Variants in ABTB3 observed in about 807,000 individuals in gnomAD.
ABTB3 encodes ankyrin repeat- and BTB/POZ domain-containing protein 3.
At chr12:107,404,162 CAA>C in the ABTB3 span, among the ~76,000 whole-genome samples, 22 of 40,236 alleles carry the variant, frequency 5.5e-4, no homozygotes, top group South Asian at 2.7e-3. Flanking sequence ...GACTCTAACT[CAA>C]AAAAAAAAAA....
chr12:107,348,864 C>A, the ABTB3 span, among the ~76,000 whole-genome samples: 238 of 152,250 alleles, frequency 1.6e-3, 5 homozygotes, highest in East Asian at 0.031. Context: ...GACAGGGCAC[C>A]TGGGAAAGCC....
the ABTB3 span, among the ~76,000 whole-genome samples, chr12:107,374,013 G>A: frequency 1.3e-5 from 2 of 152,178 alleles, no homozygotes; most frequent in Admixed American, 1.3e-4. Flanking sequence ...CAGAGGCCTG[G>A]GTGAGCCCTC....
the ABTB3 span, among the ~76,000 whole-genome samples, chr12:107,519,644 G>A: frequency 6.6e-6 from 1 of 152,178 alleles, no homozygotes; most frequent in African/African-American, 2.4e-5. Flanking sequence ...TATGACCAAG[G>A]CAGAGGCGCA....
chr12:107,418,962 T>C, the ABTB3 span, among the ~76,000 whole-genome samples: 1 of 152,184 alleles, frequency 6.6e-6, no homozygotes, highest in Non-Finnish European at 1.5e-5. Context: ...GTATCCCTAC[T>C]TGCCCAGGTA....
the ABTB3 span, among the ~76,000 whole-genome samples, chr12:107,487,455 C>G: frequency 1.3e-5 from 2 of 152,112 alleles, no homozygotes; most frequent in African/African-American, 4.8e-5. Flanking sequence ...AAAAGGTCAG[C>G]CAAACCTCAG....
chr12:107,523,226 G>T, the ABTB3 span, among the ~76,000 whole-genome samples: 2 of 152,204 alleles, frequency 1.3e-5, no homozygotes, highest in African/African-American at 4.8e-5. Context: ...TGGAAAGGGA[G>T]TCAGTAGCTG....
chr12:107,488,089 G>T, the ABTB3 span, among the ~76,000 whole-genome samples: 123 of 152,162 alleles, frequency 8.1e-4, 1 homozygote, highest in East Asian at 0.013. Flanking sequence ...TTCAAGGAGG[G>T]ATGGCTGTGA....
chr12:107,456,571 C>T, the ABTB3 span, among the ~76,000 whole-genome samples: 12 of 152,062 alleles, frequency 7.9e-5, no homozygotes, highest in African/African-American at 2.4e-4. Context: ...TGATTCTACA[C>T]GATGATGAGT....
chr12:107,375,966 A>G, the ABTB3 span, among the ~76,000 whole-genome samples: 1 of 151,916 alleles, frequency 6.6e-6, no homozygotes, highest in Non-Finnish European at 1.5e-5. Flanking sequence ...CCCATGCGCC[A>G]TCTCTTATTT....
the ABTB3 span, among the ~76,000 whole-genome samples, chr12:107,561,067 A>T: frequency 1.3e-5 from 2 of 152,132 alleles, no homozygotes; most frequent in African/African-American, 4.8e-5. Flanking sequence ...AAGAAGGTGG[A>T]TGTGTCCCCA....
At chr12:107,520,943 G>C in the ABTB3 span, among the ~76,000 whole-genome samples, 2 of 152,002 alleles carry the variant, frequency 1.3e-5, no homozygotes, top group African/African-American at 4.8e-5. Context: ...GTGTAGTTGC[G>C]GTGATTCAAT....
chr12:107,412,444 G>A, the ABTB3 span, among the ~76,000 whole-genome samples: 9 of 152,314 alleles, frequency 5.9e-5, 1 homozygote, highest in Middle Eastern at 0.01. Context: ...CCATTTGTGC[G>A]TAACGTCCAC....
At chr12:107,348,542 G>A in the ABTB3 span, among the ~76,000 whole-genome samples, 67,871 of 152,006 alleles carry the variant, frequency 0.45, 18,374 homozygotes, top group African/African-American at 0.78. Context: ...GGGCAACATA[G>A]TGAGACCCTA....
the ABTB3 span, among the ~76,000 whole-genome samples, chr12:107,590,556 G>A: frequency 6.6e-6 from 1 of 152,242 alleles, no homozygotes; most frequent in Non-Finnish European, 1.5e-5. Flanking sequence ...CAGCGAGGAA[G>A]TCATTAGTGC....
chr12:107,658,436 C>G, the ABTB3 span: 825 of 152,328 alleles, frequency 5.4e-3, 4 homozygotes, highest in Non-Finnish European at 8.5e-3. Flanking sequence ...ATAATCTTGC[C>G]TTAGTGATCA....
the ABTB3 span, among the ~76,000 whole-genome samples, chr12:107,523,715 C>T: frequency 7.2e-5 from 11 of 152,132 alleles, no homozygotes; most frequent in East Asian, 7.7e-4. Context: ...CATTTTAATA[C>T]GTACTCGGGG....
the ABTB3 span, among the ~76,000 whole-genome samples, chr12:107,490,680 CTGCAGTCCTG>C: frequency 3.3e-5 from 5 of 152,190 alleles, no homozygotes; most frequent in Non-Finnish European, 7.3e-5. Context: ...CATCTCATTA[CTGCAGTCCTG>C]TGACAGAGGC....
At chr12:107,458,744 C>A in the ABTB3 span, among the ~76,000 whole-genome samples, 14 of 152,264 alleles carry the variant, frequency 9.2e-5, no homozygotes, top group African/African-American at 3.4e-4. Context: ...GGCTGAGTTC[C>A]TCTAGATACC....
chr12:107,612,150 G>C, the ABTB3 span, among the ~76,000 whole-genome samples: 1 of 152,196 alleles, frequency 6.6e-6, no homozygotes, highest in Non-Finnish European at 1.5e-5. Context: ...TTGTGACACT[G>C]GTTATTGAAA....
Sources: gnomAD v4.1 joint callset for allele counts (sites outside exome capture counted in the v4.1 genomes callset) on GRCh38, gnomAD v4.1.1 for gene constraint, MANE v1.5 for transcripts, NCBI Gene and HGNC (gene_info 2026-07-23, HGNC 2026-07-21) for gene names.